The following ETV6 variants were observed in gnomAD, a reference collection of about 807,000 sequenced individuals.
The protein encoded by ETV6 is transcription factor ETV6.
In ETV6, 16 loss-of-function variants were observed where a neutral mutation model predicts 51.1. The observed-to-expected ratio is 0.31, with a 90% CI of 0.21 to 0.48. The LOEUF is 0.48. ETV6 is among the 20% of genes least tolerant of loss of function. ETV6 has a pLI of 0.99. For missense variants in ETV6, 458 were observed against 594.8 expected (o/e 0.77, Z 2.39); for synonymous variants, 240 against 224.1 (o/e 1.07, Z -0.64).
intron 2 of ETV6, among the ~76,000 whole-genome samples, chr12:11,808,267 C>A (rs1160076175): frequency 6.6e-6 from 1 of 152,152 alleles, no homozygotes; most frequent in African/African-American, 2.4e-5. Flanking sequence ...ATGTGAATTT[C>A]ATATTTTTCT....
chr12:11,718,526 G>C (rs1282148365), intron 1 of ETV6, among the ~76,000 whole-genome samples: 1 of 151,816 alleles, frequency 6.6e-6, no homozygotes, highest in Non-Finnish European at 1.5e-5. Flanking sequence ...AGCACTTTGG[G>C]AGGACGAGGC....
chr12:11,856,105 T>C (rs942683495), intron 4 of ETV6, among the ~76,000 whole-genome samples: 1 of 152,214 alleles, frequency 6.6e-6, no homozygotes, highest in Non-Finnish European at 1.5e-5. Flanking sequence ...TCCTTCCTCT[T>C]TTCCCTTTGG....
chr12:11,791,859 G>A (rs547738590), intron 2 of ETV6, among the ~76,000 whole-genome samples: 21 of 151,894 alleles, frequency 1.4e-4, no homozygotes, highest in South Asian at 8.3e-4. Context: ...CCTGGTGGTC[G>A]TTTAAAAAAA....
At chr12:11,748,644 T>C (rs577618231) in intron 1 of ETV6, among the ~76,000 whole-genome samples, 1 of 152,186 alleles carries the variant, frequency 6.6e-6, no homozygotes, top group Non-Finnish European at 1.5e-5. Flanking sequence ...TTCTGTAATA[T>C]GCAACCTGAG....
chr12:11,770,604 T>G (rs1945229073), intron 2 of ETV6, among the ~76,000 whole-genome samples: 1 of 152,192 alleles, frequency 6.6e-6, no homozygotes. Flanking sequence ...CTTCCTCTAC[T>G]TATCTTCCAA....
intron 1 of ETV6, among the ~76,000 whole-genome samples, chr12:11,661,473 T>G (rs143052396): frequency 1.2e-3 from 185 of 152,398 alleles, no homozygotes; most frequent in African/African-American, 4.0e-3. Context: ...CCTTTTGATC[T>G]GGTCTTTATT....
chr12:11,655,259 A>G (rs1185595611), intron 1 of ETV6, among the ~76,000 whole-genome samples: 1 of 152,112 alleles, frequency 6.6e-6, no homozygotes, highest in Non-Finnish European at 1.5e-5. Flanking sequence ...TTTAGAGACA[A>G]TCCTGGAGCT....
chr12:11,651,671 A>G (rs974081125), intron 1 of ETV6, among the ~76,000 whole-genome samples: 2 of 152,218 alleles, frequency 1.3e-5, no homozygotes, highest in Non-Finnish European at 2.9e-5. Flanking sequence ...GATTCTACAC[A>G]GAGTTCAGGA....
chr12:11,876,860 A>G (rs1204560258), intron 5 of ETV6, among the ~76,000 whole-genome samples: 2 of 152,218 alleles, frequency 1.3e-5, no homozygotes. Flanking sequence ...ATTTCCTCTC[A>G]GCTCAAGATC....
chr12:11,815,030 A>C (rs1273841422), intron 2 of ETV6, among the ~76,000 whole-genome samples: 1 of 152,166 alleles, frequency 6.6e-6, no homozygotes, highest in African/African-American at 2.4e-5. Context: ...AACACAACAG[A>C]AAATGATGCA....
chr12:11,650,502 A>AAC (rs1491477377), intron 1 of ETV6, among the ~76,000 whole-genome samples: 1 of 79,512 alleles, frequency 1.3e-5, no homozygotes, highest in Non-Finnish European at 2.7e-5. Context: ...AAAACAAAAA[A>AAC]CAAAAAAAAA....
intron 2 of ETV6, among the ~76,000 whole-genome samples, chr12:11,785,553 A>G (rs543717038): frequency 8.5e-5 from 13 of 152,336 alleles, no homozygotes; most frequent in East Asian, 3.9e-4. Context: ...GAGGTACTCA[A>G]TAAGTATTTG....
At position 11,869,098 on chromosome 12, in the gene ETV6, T is replaced by G. The variant is rs955145165; in HGVS notation, c.464-326T>G. On this transcript the variant is annotated intron_variant, in intron 4 of 7. Transcript: ENST00000396373. The surrounding 1 kb of genome is among the most constrained non-coding windows in gnomAD (Gnocchi z 5.0). ...AAAAATAAAAAAAATTAGCCGAGCA[T>G]GGTGGTGGGCGCCTGTAGTCCCAGC... Among the ~76,000 whole-genome samples, 1 of 151,798 alleles carries G rather than the reference T, an allele frequency of 6.6e-6. No individual in the cohort carries two copies. The highest frequency in any genetic ancestry group is 2.4e-5 in the African/African-American group (1 of 41,302).
chr12:11,674,423 T>G (rs1167275476), intron 1 of ETV6, among the ~76,000 whole-genome samples: 1 of 151,290 alleles, frequency 6.6e-6, no homozygotes, highest in Admixed American at 6.6e-5. Context: ...AGACTCCAAG[T>G]TGGAGGATTC....
chr12:11,722,355 CA>C (rs2120933230), intron 1 of ETV6, among the ~76,000 whole-genome samples: 1 of 152,322 alleles, frequency 6.6e-6, no homozygotes, highest in Non-Finnish European at 1.5e-5. Context: ...AGATAATCCA[CA>C]AACTGTAATC....
At chr12:11,653,128 G>T (rs1182176770) in intron 1 of ETV6, among the ~76,000 whole-genome samples, 2 of 152,098 alleles carry the variant, frequency 1.3e-5, no homozygotes, top group Admixed American at 1.3e-4. Context: ...GACCATTTGG[G>T]GTCGTTTAAA....
At chr12:11,842,626 G>C (rs1248052138) in intron 3 of ETV6, among the ~76,000 whole-genome samples, 2 of 152,160 alleles carry the variant, frequency 1.3e-5, no homozygotes, top group African/African-American at 2.4e-5. Flanking sequence ...GAGTACCCAG[G>C]TTAAGAAGTT....
chr12:11,758,219 A>T (rs1245736495), intron 2 of ETV6, among the ~76,000 whole-genome samples: 1 of 152,188 alleles, frequency 6.6e-6, no homozygotes. Flanking sequence ...CCTCTCTAAG[A>T]CTCAAGTTTC....
intron 2 of ETV6, among the ~76,000 whole-genome samples, chr12:11,796,300 A>G (rs1945675869): frequency 6.6e-6 from 1 of 152,184 alleles, no homozygotes; most frequent in South Asian, 2.1e-4. Context: ...CATTGCATTA[A>G]TCATCATCTG....
Sources: gnomAD v4.1 joint callset for allele counts (sites outside exome capture counted in the v4.1 genomes callset) on GRCh38, gnomAD v4.1.1 for gene constraint, Gnocchi (gnomAD v3.1) non-coding constraint, MANE v1.5 for transcripts, NCBI Gene and HGNC (gene_info 2026-07-23, HGNC 2026-07-21) for gene names.